Variants in THRB observed in about 807,000 individuals in gnomAD.
THRB encodes the protein nuclear receptor subfamily 1 group A member 2.
In THRB, 12 loss-of-function variants were observed where a neutral mutation model predicts 47.8. That is an observed-to-expected ratio of 0.25 (90% CI 0.16 to 0.41). The LOEUF (loss-of-function observed/expected upper bound fraction) is 0.41, where lower values mean the gene tolerates loss of function less well. Ranked by LOEUF, THRB falls within the 10% of genes least tolerant of loss-of-function variation. THRB has a pLI of 1.00. For synonymous variants in THRB, 218 were observed against 212.2 expected, an observed-to-expected ratio of 1.03 and a Z score of -0.24; for missense variants, 348 against 589.2, an observed-to-expected ratio of 0.59 and a Z score of 4.24.
At chr3:24,241,094 G>T (rs2049446189) in intron 3 of THRB, among the ~76,000 whole-genome samples, 1 of 152,156 alleles carries the variant, frequency 6.6e-6, no homozygotes, top group Non-Finnish European at 1.5e-5. Flanking sequence ...AACTCCTGTG[G>T]CAACAAAACG....
chr3:24,234,828 C>G (rs933017077), intron 3 of THRB, among the ~76,000 whole-genome samples: 2 of 152,044 alleles, frequency 1.3e-5, no homozygotes, highest in Non-Finnish European at 2.9e-5. Flanking sequence ...TTAGAAGTAC[C>G]AAAAAAGCCC....
At chr3:24,186,658 C>G (rs1326667293) in intron 5 of THRB, among the ~76,000 whole-genome samples, 2 of 151,998 alleles carry the variant, frequency 1.3e-5, no homozygotes, top group Non-Finnish European at 2.9e-5. Context: ...AAAATAAAAG[C>G]AGTAAGGCCG....
chr3:24,473,950 T>C (rs950744159), intron 1 of THRB, among the ~76,000 whole-genome samples: 1 of 151,990 alleles, frequency 6.6e-6, no homozygotes, highest in Non-Finnish European at 1.5e-5. Context: ...CTGTGGCCTG[T>C]TGGGTGTTGG....
At chr3:24,349,658 T>G (rs1043729195) in intron 1 of THRB, among the ~76,000 whole-genome samples, 1 of 152,076 alleles carries the variant, frequency 6.6e-6, no homozygotes, top group Non-Finnish European at 1.5e-5. Flanking sequence ...AAAAATATTT[T>G]TGTACCTCAC....
chr3:24,153,070 G>T (rs1057347386), intron 5 of THRB, among the ~76,000 whole-genome samples: 2 of 151,940 alleles, frequency 1.3e-5, no homozygotes, highest in Non-Finnish European at 2.9e-5. Context: ...AGTGACTCAA[G>T]CAGAGAGGCC....
At chr3:24,244,075 G>A (rs2049863397) in intron 3 of THRB, among the ~76,000 whole-genome samples, 1 of 152,116 alleles carries the variant, frequency 6.6e-6, no homozygotes, top group Non-Finnish European at 1.5e-5. Flanking sequence ...AGGGCTGGGT[G>A]GTGGGGGTGA....
intron 1 of THRB, among the ~76,000 whole-genome samples, chr3:24,421,334 C>T (rs905099880): frequency 3.3e-5 from 5 of 150,940 alleles, no homozygotes; most frequent in Non-Finnish European, 7.4e-5. Context: ...TGCACATGTA[C>T]CCCTGAACCT....
At chr3:24,284,698 T>C (rs959136595) in intron 3 of THRB, among the ~76,000 whole-genome samples, 1 of 149,284 alleles carries the variant, frequency 6.7e-6, no homozygotes, top group African/African-American at 2.6e-5. Flanking sequence ...AAAGGGCTAA[T>C]ATCCAGAATC....
At chr3:24,298,985 T>A (rs903897528) in intron 2 of THRB, among the ~76,000 whole-genome samples, 2 of 152,076 alleles carry the variant, frequency 1.3e-5, no homozygotes, top group Non-Finnish European at 2.9e-5. Context: ...CGGTGGCTCA[T>A]GCCTGTAATC....
At chr3:24,377,788 C>T (rs756644411) in intron 1 of THRB, among the ~76,000 whole-genome samples, 1 of 152,088 alleles carries the variant, frequency 6.6e-6, no homozygotes, top group Non-Finnish European at 1.5e-5. Flanking sequence ...CTCCTCCTCC[C>T]TGTACACTGA....
intron 1 of THRB, among the ~76,000 whole-genome samples, chr3:24,396,866 A>C (rs1214724102): frequency 6.6e-6 from 1 of 152,162 alleles, no homozygotes; most frequent in African/African-American, 2.4e-5. Context: ...GATACAACGA[A>C]AGTGGAAGCT....
chr3:24,351,778 G>C (rs1209101684), intron 1 of THRB, among the ~76,000 whole-genome samples: 2 of 152,158 alleles, frequency 1.3e-5, no homozygotes, highest in Non-Finnish European at 2.9e-5. Flanking sequence ...GACACTTCCT[G>C]TCCCACCTCT....
rs1034822704 is a variant in THRB at position 24,152,314 on chromosome 3, C to G, written c.384+76G>C. On this transcript the variant is annotated intron_variant, in intron 6 of 10. Transcript: ENST00000646209. ...GATTTTAATTTGAATTTAAACTTAA[C>G]ATTGCATTCTGGAAGAGGACTGGGA... 5.0e-6 allele frequency: 4 copies of G among 792,242 alleles called. 1 individual carries two copies. The highest frequency in any genetic ancestry group is 2.8e-5 in the South Asian group (2 of 71,706). 49.1% of individuals were successfully genotyped at this position (792,242 alleles called of 1,614,324 possible). A position where few individuals can be genotyped will look rare whatever the true frequency, so the allele number is the denominator to read the frequency against.
intron 1 of THRB, among the ~76,000 whole-genome samples, chr3:24,363,691 CAA>C (rs762626654): frequency 1.3e-5 from 2 of 152,222 alleles, no homozygotes; most frequent in Admixed American, 6.6e-5. Flanking sequence ...GTTTGACAGA[CAA>C]GAGTTTCTTA....
In THRB at chr3:24,241,533, C is replaced by T. The variant is rs116784525; in HGVS notation, c.-42-12532G>A. Among the ~76,000 whole-genome samples the T allele has an allele frequency of 4.4e-3, 665 of 152,312 alleles. 1 individual carries two copies. The highest frequency in any genetic ancestry group is 0.014 in the Middle Eastern group (4 of 294). The stretch of plus-strand genomic sequence containing the variant: ...AAATCTATTCTTGTGCCTCTTGTCA[C>T]CCTTCCTTGGATGGTGGCAGTCATG... On this transcript the variant is annotated intron_variant, in intron 3 of 10. Coordinates refer to ENST00000646209, the MANE Select transcript of THRB (RefSeq NM_001354712.2).
chr3:24,133,495 A>G (rs2034177235), intron 8 of THRB, 33 bp from the exon 9 acceptor site: 1 of 1,604,582 alleles, frequency 6.2e-7, no homozygotes, highest in Non-Finnish European at 8.5e-7. Context: ...ATTTAAATGA[A>G]GAAGTTGAAG....
intron 3 of THRB, among the ~76,000 whole-genome samples, chr3:24,242,661 G>A (rs2049666792): frequency 6.6e-6 from 1 of 152,152 alleles, no homozygotes; most frequent in Non-Finnish European, 1.5e-5. Flanking sequence ...ACTGTTTGTT[G>A]AGTGAATCAC....
At chr3:24,149,241 CCTT>C (rs1424952931) in intron 6 of THRB, among the ~76,000 whole-genome samples, 1 of 152,174 alleles carries the variant, frequency 6.6e-6, no homozygotes, top group African/African-American at 2.4e-5. Flanking sequence ...TAGCACGCCT[CCTT>C]CTGGAGGAAA....
At chr3:24,419,876 C>A (rs1020133548) in intron 1 of THRB, among the ~76,000 whole-genome samples, 2 of 151,656 alleles carry the variant, frequency 1.3e-5, no homozygotes, top group African/African-American at 4.8e-5. Flanking sequence ...CATTATAATA[C>A]CCCCAGGAAG....
Sources: gnomAD v4.1 joint callset for allele counts (sites outside exome capture counted in the v4.1 genomes callset) on GRCh38, gnomAD v4.1.1 for gene constraint, MANE v1.5 for transcripts, NCBI Gene and HGNC (gene_info 2026-07-23, HGNC 2026-07-21) for gene names.